Variants in RGS6 observed in about 807,000 individuals in gnomAD.
The protein encoded by RGS6 is regulator of G protein signaling 6, also known as regulator of G-protein signaling 6.
A neutral mutation model predicts 78.5 loss-of-function variants in RGS6; 30 were observed. The ratio of observed to expected loss-of-function variants is 0.38; its 90% CI spans 0.29 to 0.52. RGS6 has a LOEUF of 0.52. Among genes scored for constraint, RGS6 ranks in the 20% least tolerant of loss-of-function variants. The probability of loss-of-function intolerance (pLI) is 0.85; values close to 1 mark genes in which losing one functional copy is unlikely to be tolerated. For synonymous variants in RGS6, 206 were observed against 206.0 expected, an observed-to-expected ratio of 1.00 and a Z score of 0.00; for missense variants, 495 against 609.7, an observed-to-expected ratio of 0.81 and a Z score of 1.98.
intron 17 of RGS6, among the ~76,000 whole-genome samples, chr14:72,551,765 G>A (rs536835176): frequency 6.6e-6 from 1 of 152,248 alleles, no homozygotes; most frequent in South Asian, 2.1e-4. Context: ...CACAAGAGCT[G>A]CCATTTATTG....
chr14:72,445,809 T>C (rs1425126064), intron 3 of RGS6, among the ~76,000 whole-genome samples: 1 of 152,204 alleles, frequency 6.6e-6, no homozygotes, highest in Non-Finnish European at 1.5e-5. Flanking sequence ...GCATTATGGG[T>C]TGAATTATGT....
chr14:72,010,015 G>A (rs2239266), intron 2 of RGS6, among the ~76,000 whole-genome samples: 11,428 of 152,238 alleles, frequency 0.075, 992 homozygotes, highest in East Asian at 0.21. Context: ...CTGCCTTAAC[G>A]TTGTCAGGTT....
chr14:71,905,141 T>A, the RGS6 span, among the ~76,000 whole-genome samples: 1 of 152,188 alleles, frequency 6.6e-6, no homozygotes, highest in African/African-American at 2.4e-5. Flanking sequence ...CTGAAGTCAC[T>A]CTCTGCCCTT....
At chr14:72,042,768 G>A (rs1319097594) in intron 2 of RGS6, among the ~76,000 whole-genome samples, 1 of 151,912 alleles carries the variant, frequency 6.6e-6, no homozygotes, top group African/African-American at 2.4e-5. Flanking sequence ...ATTTTGGGAG[G>A]TTATTATAAA....
chr14:72,301,814 A>T (rs986297214), intron 2 of RGS6, among the ~76,000 whole-genome samples: 1 of 152,094 alleles, frequency 6.6e-6, no homozygotes, highest in Non-Finnish European at 1.5e-5. Context: ...TACCTGTTGT[A>T]TGTCTCCAAG....
chr14:71,957,308 T>C (rs1375873293), intron 1 of RGS6, among the ~76,000 whole-genome samples: 2 of 152,106 alleles, frequency 1.3e-5, no homozygotes, highest in Admixed American at 6.6e-5. Context: ...CAGAGCCAGA[T>C]GGCCTGAGTG....
chr14:71,949,805 C>G (rs1321441055), intron 1 of RGS6, among the ~76,000 whole-genome samples: 24 of 123,772 alleles, frequency 1.9e-4, no homozygotes, highest in Non-Finnish European at 4.1e-4. Flanking sequence ...TGCCTTTTAG[C>G]CTTTTATCTT....
chr14:72,370,883 C>T (rs968586590), intron 3 of RGS6, among the ~76,000 whole-genome samples: 13 of 152,114 alleles, frequency 8.5e-5, no homozygotes, highest in Admixed American at 2.6e-4. Context: ...GAAGTCAGTT[C>T]GGTGAATAAA....
intron 2 of RGS6, among the ~76,000 whole-genome samples, chr14:72,107,742 G>A (rs967435447): frequency 2.0e-5 from 3 of 151,998 alleles, no homozygotes; most frequent in African/African-American, 7.2e-5. Context: ...TCTTCTGTAT[G>A]GCATCTATAT....
At chr14:72,286,691 G>A (rs560701065) in intron 2 of RGS6, among the ~76,000 whole-genome samples, 6 of 152,144 alleles carry the variant, frequency 3.9e-5, no homozygotes, top group African/African-American at 1.2e-4. Flanking sequence ...TTTCATTGAT[G>A]TTGCCTCAGT....
intron 2 of RGS6, among the ~76,000 whole-genome samples, chr14:72,344,901 C>T (rs2077722254): frequency 6.6e-6 from 1 of 152,172 alleles, no homozygotes; most frequent in African/African-American, 2.4e-5. Flanking sequence ...CCCAACCATC[C>T]TTTACGAGTG....
chr14:72,423,867 C>T (rs188787327), intron 3 of RGS6, among the ~76,000 whole-genome samples: 34 of 152,294 alleles, frequency 2.2e-4, no homozygotes, highest in Admixed American at 5.9e-4. Flanking sequence ...TTACTACATA[C>T]AAATCGTTAA....
At chr14:72,033,011 T>C (rs1275297648) in intron 2 of RGS6, among the ~76,000 whole-genome samples, 1 of 152,108 alleles carries the variant, frequency 6.6e-6, no homozygotes, top group Non-Finnish European at 1.5e-5. Context: ...CCATCATCAG[T>C]TGAAACTATC....
chr14:72,283,046 G>C (rs2061856858), intron 2 of RGS6, among the ~76,000 whole-genome samples: 1 of 152,056 alleles, frequency 6.6e-6, no homozygotes, highest in African/African-American at 2.4e-5. Flanking sequence ...TCTGTGACTG[G>C]CTTATTTCAC....
At chr14:72,031,108 G>C (rs1020935168) in intron 2 of RGS6, among the ~76,000 whole-genome samples, 1 of 151,738 alleles carries the variant, frequency 6.6e-6, no homozygotes, top group Admixed American at 6.6e-5. Context: ...AGTAGACTCA[G>C]TTTTTTTCAG....
At chr14:72,602,775 G>T in the RGS6 span, among the ~76,000 whole-genome samples, 1 of 152,110 alleles carries the variant, frequency 6.6e-6, no homozygotes, top group African/African-American at 2.4e-5. Context: ...TTTTTAAACG[G>T]CATAACTAGA....
chr14:72,268,552 T>C (rs1237013646), intron 2 of RGS6, among the ~76,000 whole-genome samples: 2 of 152,216 alleles, frequency 1.3e-5, no homozygotes, highest in African/African-American at 4.8e-5. Context: ...CCTGCATGGA[T>C]GTGGTTAGCA....
chr14:72,556,868 A>T (rs531157920), intron 17 of RGS6, among the ~76,000 whole-genome samples: 15 of 152,116 alleles, frequency 9.9e-5, no homozygotes, highest in East Asian at 3.9e-4. Flanking sequence ...TGACTTTTTT[A>T]AAAAAATTGG....
intron 2 of RGS6, among the ~76,000 whole-genome samples, chr14:72,029,216 T>G (rs912293451): frequency 4.6e-5 from 7 of 152,192 alleles, no homozygotes; most frequent in Admixed American, 1.3e-4. Context: ...GTAGTATAGT[T>G]TCAAATGCAA....
Sources: allele counts gnomAD v4.1 joint callset (sites outside exome capture counted in the v4.1 genomes callset), GRCh38; gene constraint gnomAD v4.1.1; transcripts MANE v1.5; gene names NCBI Gene and HGNC (gene_info 2026-07-23, HGNC 2026-07-21).